PNPLA7: variants seen among roughly 807,000 people sequenced by gnomAD.
PNPLA7 encodes the protein patatin-like phospholipase domain-containing protein 7.
A neutral mutation model predicts 161.7 loss-of-function variants in PNPLA7; 153 were observed. The observed-to-expected ratio is 0.95, with a 90% CI of 0.83 to 1.08. The LOEUF is 1.08. PNPLA7 is among the 50% of genes least tolerant of loss of function. PNPLA7 has a pLI of 0.00. For synonymous variants in PNPLA7, 809 were observed against 782.1 expected (o/e 1.03, Z -0.57); for missense variants, 1,739 against 1,856.6 (o/e 0.94, Z 1.16).
chr9:137,535,160 G>A (rs999895412), intron 8 of PNPLA7, among the ~76,000 whole-genome samples: 6 of 151,980 alleles, frequency 3.9e-5, no homozygotes, highest in Non-Finnish European at 8.8e-5. Context: ...CCTCAGGTGA[G>A]TGAAATTACA....
chr9:137,477,086 C>T (rs1190743289), intron 25 of PNPLA7, among the ~76,000 whole-genome samples: 1 of 152,240 alleles, frequency 6.6e-6, no homozygotes, highest in Non-Finnish European at 1.5e-5. Context: ...CAGCCCTGGC[C>T]TGGACCCCCG....
At chr9:137,545,641 GC>G (rs1417726659) in intron 4 of PNPLA7, among the ~76,000 whole-genome samples, 3 of 152,190 alleles carry the variant, frequency 2.0e-5, no homozygotes. Context: ...TTAATCATTA[GC>G]TTGTAGCAAT....
chr9:137,492,419 GA>G, intron 20 of PNPLA7: 2 of 197,462 alleles, frequency 1.0e-5, no homozygotes, highest in Non-Finnish European at 1.6e-5. Context: ...GATACAGTTT[GA>G]AAAAAATTAC....
chr9:137,464,236 G>A lies in PNPLA7; in HGVS notation c.3157-41C>T, dbSNP rs749250710. ...GCTCAGATGGGCCCTCTCCCATCAC[G>A]CTCCTGTCCTGTGTCTGGGGAGGCT... On this transcript the variant is annotated intron_variant, in intron 27 of 34. Coordinates refer to ENST00000406427, the MANE Select transcript of PNPLA7 (RefSeq NM_001098537.3). 20 of 1,610,842 alleles carry A rather than the reference G, an allele frequency of 1.2e-5. No homozygotes were observed. The Middle Eastern group carries it at 1.2e-3, about 93-fold the overall frequency.
At chr9:137,501,626 G>A (rs1564319243) in intron 15 of PNPLA7, 24 bp downstream of exon 15, 1 of 1,559,200 alleles carries the variant, frequency 6.4e-7, no homozygotes, top group Admixed American at 1.7e-5. Flanking sequence ...TGGTCCCAGT[G>A]CCCCCCCCCA....
chr9:137,494,153 G>A (rs1017780276), intron 19 of PNPLA7, among the ~76,000 whole-genome samples: 3 of 152,150 alleles, frequency 2.0e-5, no homozygotes, highest in Admixed American at 2.0e-4. Flanking sequence ...CTTGGGATCC[G>A]TGTGCTGGCT....
At chr9:137,463,994 A>G (rs1385798015) in intron 28 of PNPLA7, 132 bp downstream of exon 28, 2 of 1,037,562 alleles carry the variant, frequency 1.9e-6, no homozygotes, top group African/African-American at 1.6e-5. Context: ...TGTGTCCTCC[A>G]TGGACAAAGC....
chr9:137,542,878 C>T (rs894086619), intron 6 of PNPLA7, 77 bp from the exon 7 acceptor site: 6 of 1,488,794 alleles, frequency 4.0e-6, no homozygotes, highest in Admixed American at 1.9e-5. Context: ...CGAGAGCACA[C>T]GGTCACTGAC....
At chr9:137,527,643 A>G (rs1484216605) in intron 8 of PNPLA7, among the ~76,000 whole-genome samples, 2 of 152,108 alleles carry the variant, frequency 1.3e-5, no homozygotes, top group East Asian at 1.9e-4. Flanking sequence ...ATACTGCTGG[A>G]CTCAAATCTC....
In PNPLA7 at chr9:137,470,553, T is replaced by C. The variant is rs1831660648; in HGVS notation, c.2883-3080A>G. ...CTGTCTCAAAGAAAATAAATAAAAA[T>C]AAAAAAGTAAAAATAAAAATTTTTT... On this transcript the variant is annotated intron_variant, in intron 25 of 34. Coordinates refer to ENST00000406427, the MANE Select transcript of PNPLA7 (RefSeq NM_001098537.3). Among the ~76,000 whole-genome samples, 3 of 151,874 alleles carry C rather than the reference T, an allele frequency of 2.0e-5. No homozygotes were observed. The South Asian group carries it at 6.2e-4, about 32-fold the overall frequency.
At chr9:137,515,276 C>T (rs977441400) in intron 12 of PNPLA7, 103 bp downstream of exon 12, 27 of 1,455,248 alleles carry the variant, frequency 1.9e-5, no homozygotes, top group Admixed American at 1.9e-4. Flanking sequence ...GTGGAGGGTG[C>T]CCGCCTCGGC....
chr9:137,515,922 GCCCCTCCCCC>G (rs1184405458), intron 11 of PNPLA7, among the ~76,000 whole-genome samples: 8 of 8,694 alleles, frequency 9.2e-4, no homozygotes, highest in Admixed American at 4.4e-3. Context: ...CCACCCCAAT[GCCCCTCCCCC>G]AAATCCACCC....
In PNPLA7 at chr9:137,505,973, C is replaced by T. The variant is rs1385824470; in HGVS notation, c.1326+10G>A. The T allele has an allele frequency of 1.9e-6, 3 of 1,603,158 alleles. No homozygotes were observed. Among genetic ancestry groups the T allele is most frequent in the Admixed American group, 1.7e-5 (1 of 58,472 alleles). ...CCAGGCGGAGGGTGAGAATGACAGC[C>T]AGGGCCTACCTTGCTGGCCACGGAG... On this transcript the variant is annotated intron_variant, in intron 13 of 34. Coordinates refer to ENST00000406427, the MANE Select transcript of PNPLA7 (RefSeq NM_001098537.3).
chr9:137,512,493 G>A (rs1834291797), intron 12 of PNPLA7, among the ~76,000 whole-genome samples: 1 of 152,278 alleles, frequency 6.6e-6, no homozygotes, highest in Non-Finnish European at 1.5e-5. Context: ...ATGGCTGCTG[G>A]TGGTAACAAG....
intron 9 of PNPLA7, among the ~76,000 whole-genome samples, chr9:137,522,520 C>A (rs2132493752): frequency 6.6e-6 from 1 of 152,362 alleles, no homozygotes; most frequent in African/African-American, 2.4e-5. Flanking sequence ...CTTCATTATT[C>A]CCGAACCCAC....
Position 137,524,225 on chromosome 9 carries a change from T to G in PNPLA7, c.748-1368A>C, listed in dbSNP as rs821304. ...AGAGTGTGGAGGCTTCCCTCAGCGGTGTGACACACTCGAGATTCCCCCACG... is the reference window on the plus strand; with the variant it reads ...AGAGTGTGGAGGCTTCCCTCAGCGGGGTGACACACTCGAGATTCCCCCACG... On this transcript the variant is annotated intron_variant, in intron 8 of 34. Coordinates refer to ENST00000406427, the MANE Select transcript of PNPLA7 (RefSeq NM_001098537.3). The surrounding 1 kb of genome is among the most constrained non-coding windows in gnomAD (Gnocchi z 4.4). Among the ~76,000 whole-genome samples, 54,832 of 152,132 alleles carry G rather than the reference T, an allele frequency of 0.36. 11,033 individuals are homozygous for G. Among genetic ancestry groups the G allele is most frequent in the East Asian group, 0.64 (3,298 of 5,158 alleles).
intron 20 of PNPLA7, chr9:137,492,453 T>C (rs1011851971): frequency 4.5e-6 from 1 of 221,344 alleles, no homozygotes; most frequent in Non-Finnish European, 6.7e-6. Context: ...GGCGGGGCTC[T>C]GAGGTAGGTG....
intron 8 of PNPLA7, among the ~76,000 whole-genome samples, chr9:137,528,564 G>T (rs1041672039): frequency 6.6e-6 from 1 of 152,070 alleles, no homozygotes; most frequent in African/African-American, 2.4e-5. Flanking sequence ...TTACAGGCAT[G>T]AGCCACCGCG....
chr9:137,493,683 C>T (rs1832891070), intron 19 of PNPLA7, among the ~76,000 whole-genome samples: 1 of 152,228 alleles, frequency 6.6e-6, no homozygotes, highest in Non-Finnish European at 1.5e-5. Flanking sequence ...TTGGATGGAG[C>T]CCTGCAGCGG....
Sources: allele counts gnomAD v4.1 joint callset (sites outside exome capture counted in the v4.1 genomes callset), GRCh38; gene constraint gnomAD v4.1.1; non-coding constraint Gnocchi (gnomAD v3.1); transcripts MANE v1.5; gene names NCBI Gene and HGNC (gene_info 2026-07-23, HGNC 2026-07-21).